ZNF33B: variants seen among roughly 807,000 people sequenced by gnomAD.
ZNF33B encodes the protein zinc finger protein 11b (KOX 2).
In ZNF33B, 29 loss-of-function variants were observed where a neutral mutation model predicts 45.8. The ratio of observed to expected loss-of-function variants is 0.63; its 90% CI spans 0.47 to 0.86. The LOEUF (loss-of-function observed/expected upper bound fraction) is 0.86. Ranked by LOEUF, ZNF33B falls within the 40% of genes least tolerant of loss-of-function variation. The probability of loss-of-function intolerance (pLI) is 0.00; values close to 1 mark genes in which losing one functional copy is unlikely to be tolerated. For synonymous variants in ZNF33B, 305 were observed against 307.8 expected, an observed-to-expected ratio of 0.99 and a Z score of 0.10; for missense variants, 831 against 909.9, an observed-to-expected ratio of 0.91 and a Z score of 1.12.
At position 42,593,592 on chromosome 10, in the gene ZNF33B, T is replaced by C. The variant is rs372229473; in HGVS notation, c.1358A>G (p.Asn453Ser). 6 of 1,613,930 alleles carry C rather than the reference T, an allele frequency of 3.7e-6. No individual in the cohort carries two copies. In the African/African-American group the frequency reaches 8.0e-5, roughly 22 times the overall value. Reference protein sequence around the residue: ...CYECGKSFCMNSHLTVHQRTH... With the variant: ...CYECGKSFCMSSHLTVHQRTH... ...TCTCTGGTGTACTGTAAGGTGTGAA[T>C]TCATACAGAAGGATTTTCCACATTC... The change falls in exon 5 of 5, where the codon AAT becomes AGT. Residue 453 changes from asparagine (N) to serine (S), a missense_variant. Physicochemically the swap from Asn to Ser is conservative, Grantham distance 46. Coordinates refer to ENST00000359467, the MANE Select transcript of ZNF33B (RefSeq NM_006955.3).
chr10:42,632,416 T>C lies in ZNF33B; in HGVS notation c.33A>G (p.Ser11=). 2 of 1,613,712 alleles carry C rather than the reference T, an allele frequency of 1.2e-6. No homozygotes were observed. ...CCACAGTCACATCTTTAAATGATAC[T>C]GACCCCTGGAACTTCTGATCTACCT... MNKVDQKFQG[S]VSFKDVTVGF... Residue 11 remains serine, a synonymous_variant, in exon 3 of 5, where the codon TCA becomes TCG. Transcript: ENST00000359467.
At chr10:42,608,034 T>C (rs1837939349) in intron 4 of ZNF33B, among the ~76,000 whole-genome samples, 1 of 152,090 alleles carries the variant, frequency 6.6e-6, no homozygotes, top group African/African-American at 2.4e-5. Context: ...ATGGCACCAA[T>C]AAGGCTGGAG....
intron 4 of ZNF33B, among the ~76,000 whole-genome samples, chr10:42,604,308 G>A (rs1273225365): frequency 6.6e-6 from 1 of 152,146 alleles, no homozygotes; most frequent in Non-Finnish European, 1.5e-5. Flanking sequence ...AGCTGGGTGT[G>A]GTGGCCAGCA....
chr10:42,612,991 G>A, intron 4 of ZNF33B, among the ~76,000 whole-genome samples: 1 of 152,120 alleles, frequency 6.6e-6, no homozygotes, highest in South Asian at 2.1e-4. Context: ...TTAAGAAGAA[G>A]CCAGGAATAA....
chr10:42,586,928 G>C (rs1390598557), downstream of ZNF33B, among the ~76,000 whole-genome samples: 3 of 152,180 alleles, frequency 2.0e-5, no homozygotes, highest in Non-Finnish European at 2.9e-5. Context: ...AGTCCAAGAT[G>C]AAAGTGCCAA....
At chr10:42,627,630 C>T (rs1328092025) in intron 4 of ZNF33B, among the ~76,000 whole-genome samples, 1 of 152,104 alleles carries the variant, frequency 6.6e-6, no homozygotes, top group Admixed American at 6.5e-5. Context: ...GGTTTGCAAC[C>T]TATCATCTTC....
At chr10:42,600,531 T>C (rs1352635919) in intron 4 of ZNF33B, among the ~76,000 whole-genome samples, 1 of 152,198 alleles carries the variant, frequency 6.6e-6, no homozygotes, top group African/African-American at 2.4e-5. Flanking sequence ...TCTTTTCCCA[T>C]TCTTTTTGTT....
At chr10:42,616,543 T>C (rs1838323218) in intron 4 of ZNF33B, among the ~76,000 whole-genome samples, 1 of 152,168 alleles carries the variant, frequency 6.6e-6, no homozygotes, top group African/African-American at 2.4e-5. Context: ...CTTCCCAACC[T>C]TTATGTTTTA....
intron 4 of ZNF33B, among the ~76,000 whole-genome samples, chr10:42,596,675 A>G (rs1440845619): frequency 6.6e-6 from 1 of 152,112 alleles, no homozygotes; most frequent in Non-Finnish European, 1.5e-5. Flanking sequence ...TGCCAGACAT[A>G]GCTGTAAAAA....
intron 4 of ZNF33B, among the ~76,000 whole-genome samples, chr10:42,618,261 T>A (rs991904347): frequency 1.3e-5 from 2 of 152,236 alleles, no homozygotes; most frequent in Non-Finnish European, 2.9e-5. Flanking sequence ...TCATCCATAA[T>A]GTTACATGTA....
At chr10:42,623,512 T>C (rs1217530687) in intron 4 of ZNF33B, among the ~76,000 whole-genome samples, 1 of 152,222 alleles carries the variant, frequency 6.6e-6, no homozygotes, top group Non-Finnish European at 1.5e-5. Flanking sequence ...AAAGAAAGTC[T>C]TGATACTTGT....
At chr10:42,627,324 C>T (rs1838856549) in intron 4 of ZNF33B, among the ~76,000 whole-genome samples, 1 of 152,138 alleles carries the variant, frequency 6.6e-6, no homozygotes, top group African/African-American at 2.4e-5. Flanking sequence ...TATTTATGAA[C>T]ATAAAGTTGT....
intron 1 of ZNF33B, chr10:42,581,943 C>G (rs1355939617): frequency 6.6e-6 from 1 of 152,076 alleles, no homozygotes; most frequent in Non-Finnish European, 1.5e-5. Context: ...GGTGAAACCC[C>G]GTCTCTACAC....
downstream of ZNF33B, among the ~76,000 whole-genome samples, chr10:42,587,542 C>T (rs763158865): frequency 2.6e-5 from 4 of 152,140 alleles, no homozygotes; most frequent in Non-Finnish European, 5.9e-5. Context: ...TGAGCCACTG[C>T]ACCTGGCCTC....
At chr10:42,630,999 G>A (rs1360986202) in intron 4 of ZNF33B, among the ~76,000 whole-genome samples, 1 of 152,102 alleles carries the variant, frequency 6.6e-6, no homozygotes, top group East Asian at 1.9e-4. Context: ...CTGCTGAAAA[G>A]AGGCAGAATC....
At position 42,594,207 on chromosome 10, in the gene ZNF33B, TCA is replaced by T. The variant is rs781462191; in HGVS notation, c.741_742del (p.Cys247Ter). ...GAAAGTTCTCCCAAATTCATTATAG[TCA>T]CAGTTATTCTCTTCTGCATTCTCTC... On this transcript the variant is annotated stop_gained and frameshift_variant, in exon 5 of 5. Coordinates refer to ENST00000359467, the MANE Select transcript of ZNF33B (RefSeq NM_006955.3). LOFTEE classifies it low-confidence loss of function (END_TRUNC). 5.0e-6 allele frequency: 8 copies of T among 1,613,616 alleles called. No individual in the cohort carries two copies. In the East Asian group the frequency reaches 6.7e-5, roughly 13 times the overall value.
intron 2 of ZNF33B, among the ~76,000 whole-genome samples, chr10:42,634,368 C>T (rs1395340020): frequency 1.3e-5 from 2 of 151,988 alleles, no homozygotes; most frequent in Admixed American, 1.3e-4. Flanking sequence ...GATCGCACCA[C>T]TGCACTGCAG....
At chr10:42,636,498 T>G (rs1256426022) in intron 2 of ZNF33B, among the ~76,000 whole-genome samples, 2 of 152,166 alleles carry the variant, frequency 1.3e-5, no homozygotes, top group African/African-American at 4.8e-5. Context: ...GAAGTTCAAT[T>G]TTTATCTATT....
intron 4 of ZNF33B, among the ~76,000 whole-genome samples, chr10:42,618,393 A>G (rs1222814133): frequency 6.6e-6 from 1 of 152,238 alleles, no homozygotes; most frequent in East Asian, 1.9e-4. Flanking sequence ...TAAAACTGCT[A>G]TAAAATTTTT....
Sources: allele counts gnomAD v4.1 joint callset (sites outside exome capture counted in the v4.1 genomes callset), GRCh38; gene constraint gnomAD v4.1.1; transcripts MANE v1.5; gene names NCBI Gene and HGNC (gene_info 2026-07-23, HGNC 2026-07-21).